The following DLGAP1 variants were observed in gnomAD, a reference collection of about 807,000 sequenced individuals.
The protein encoded by DLGAP1 is DLG associated protein 1, also known as disks large-associated protein 1.
Under a neutral mutation model 90.8 loss-of-function variants are expected in DLGAP1, and 11 were observed. The ratio of observed to expected loss-of-function variants is 0.12; its 90% CI spans 0.08 to 0.20. DLGAP1 has a LOEUF of 0.20. Ranked by LOEUF, DLGAP1 falls within the 10% of genes least tolerant of loss-of-function variation. DLGAP1 has a pLI of 1.00. For missense variants in DLGAP1, 1,050 were observed against 1,333.8 expected, an observed-to-expected ratio of 0.79 and a Z score of 3.31; for synonymous variants, 558 against 540.7, an observed-to-expected ratio of 1.03 and a Z score of -0.44.
At chr18:4,270,097 T>C (rs888691431) in intron 1 of DLGAP1, among the ~76,000 whole-genome samples, 1 of 152,198 alleles carries the variant, frequency 6.6e-6, no homozygotes. Context: ...TGGCTCAAGT[T>C]CCTCTTATTA....
In DLGAP1 at chr18:3,681,723, T is replaced by C. The variant is rs527577794; in HGVS notation, c.1591+47412A>G. Among the ~76,000 whole-genome samples, 35 of 152,256 alleles carry C rather than the reference T, an allele frequency of 2.3e-4. No homozygotes were observed. In the East Asian group the frequency reaches 6.0e-3, roughly 26 times the overall value. On this transcript the variant is annotated intron_variant, in intron 7 of 12. Transcript: ENST00000315677. Reference sequence around the variant, plus strand: ...AATCCCCAATGTTGAAGGTGGGGCCTTGTGGGGAGTGATTTGGTCATGGGG... The same window carrying C: ...AATCCCCAATGTTGAAGGTGGGGCCCTGTGGGGAGTGATTTGGTCATGGGG...
chr18:3,508,644 T>C lies in DLGAP1; in HGVS notation c.2497A>G (p.Thr833Ala), dbSNP rs756172283. ...AGAAGTTGGGCACTGCCCACTGCGG[T>C]TCGGATTTTTCCTAGAACTGGAAAG... ...LPEDILGKIR[T>A]AVGSAQLLMA... Residue 833 changes from threonine to alanine, a missense_variant, in exon 11 of 13, where the codon ACC becomes GCC. Physicochemically the swap from Thr to Ala is moderately conservative, Grantham distance 58. Around this residue, in one of 2 missense-constraint regions of DLGAP1, gnomAD observed 565 missense variants for 879.7 expected, o/e 0.64. Coordinates refer to ENST00000315677, the MANE Select transcript of DLGAP1 (RefSeq NM_004746.4). 1.2e-6 allele frequency: 2 copies of C among 1,613,766 alleles called. No individual in the cohort carries two copies. Among genetic ancestry groups the C allele is most frequent in the Non-Finnish European group, 1.7e-6 (2 of 1,179,888 alleles).
chr18:3,852,431 G>A (rs898573765), intron 4 of DLGAP1, among the ~76,000 whole-genome samples: 7 of 152,058 alleles, frequency 4.6e-5, no homozygotes, highest in African/African-American at 1.4e-4. Flanking sequence ...CTCTAATAAC[G>A]CTCCCCTTCA....
At chr18:3,975,823 A>T (rs1283339837) in intron 3 of DLGAP1, among the ~76,000 whole-genome samples, 1 of 152,226 alleles carries the variant, frequency 6.6e-6, no homozygotes, top group Non-Finnish European at 1.5e-5. Flanking sequence ...GCCAGTCACA[A>T]AAACACAAAT....
intron 1 of DLGAP1, among the ~76,000 whole-genome samples, chr18:4,199,522 A>C (rs749402116): frequency 2.6e-5 from 4 of 152,188 alleles, no homozygotes; most frequent in Non-Finnish European, 5.9e-5. Flanking sequence ...CATGCCAATG[A>C]GAGGTTGTCA....
At chr18:3,716,205 T>C (rs1049205227) in intron 7 of DLGAP1, among the ~76,000 whole-genome samples, 3 of 152,206 alleles carry the variant, frequency 2.0e-5, no homozygotes, top group Admixed American at 1.3e-4. Flanking sequence ...AGATGTACTA[T>C]TGCTTCCAGT....
rs2062903219 is a variant in DLGAP1 at position 3,741,002 on chromosome 18, C to CCACCATCACCT, written c.1350+1332_1350+1333insAGGTGATGGTG. 1.7e-5 allele frequency among the ~76,000 whole-genome samples: 2 copies of CCACCATCACCT among 118,460 alleles called. 1 individual carries two copies. Among genetic ancestry groups the CCACCATCACCT allele is most frequent in the African/African-American group, 6.7e-5 (2 of 30,040 alleles). The allele number at this position is 118,460 out of a possible 152,430, so 77.7% of individuals were successfully genotyped here. A position where few individuals can be genotyped will look rare whatever the true frequency, so the allele number is the denominator to read the frequency against. The stretch of plus-strand genomic sequence containing the variant: ...CACCACCACCACCACCATCACCTCA[C>CCACCATCACCT]CACCACCACCACCATCACCACCACC... On this transcript the variant is annotated intron_variant, in intron 6 of 12. Transcript: ENST00000315677.
Position 3,508,625 on chromosome 18 carries a change from T to A in DLGAP1, c.2516A>T (p.Gln839Leu). 6.2e-7 allele frequency: 1 copy of A among 1,613,972 alleles called. No individual in the cohort carries two copies. The highest frequency in any genetic ancestry group is 8.5e-7 in the Non-Finnish European group (1 of 1,179,948). ...GTAGAATTTCTGGGCCATGAGAAGTTGGGCACTGCCCACTGCGGTTCGGAT... is the reference window on the plus strand; with the variant it reads ...GTAGAATTTCTGGGCCATGAGAAGTAGGGCACTGCCCACTGCGGTTCGGAT... ...GKIRTAVGSAQLLMAQKFYQF... is the reference protein window; with the variant it reads ...GKIRTAVGSALLLMAQKFYQF... Residue 839 changes from glutamine to leucine, a missense_variant, in exon 11 of 13, where the codon CAA becomes CTA. Physicochemically the swap from Gln to Leu is moderately radical, Grantham distance 113 (BLOSUM62 -2). Transcript: ENST00000315677.
intron 1 of DLGAP1, among the ~76,000 whole-genome samples, chr18:4,414,396 A>T (rs1371106801): frequency 6.6e-6 from 1 of 152,186 alleles, no homozygotes. Context: ...ATAAATAAGC[A>T]ATGTCATTAT....
chr18:4,022,171 A>G (rs1178101084), intron 2 of DLGAP1, among the ~76,000 whole-genome samples: 1 of 151,978 alleles, frequency 6.6e-6, no homozygotes, highest in Non-Finnish European at 1.5e-5. Flanking sequence ...TGTTCAGAAA[A>G]CTTTTTTAAA....
intron 7 of DLGAP1, among the ~76,000 whole-genome samples, chr18:3,662,128 C>T (rs1222347445): frequency 1.3e-5 from 2 of 151,768 alleles, no homozygotes; most frequent in Non-Finnish European, 2.9e-5. Context: ...AAGCTACACA[C>T]AGTAAAAGGT....
At chr18:4,317,837 A>G (rs1171362531) in intron 1 of DLGAP1, among the ~76,000 whole-genome samples, 1 of 152,180 alleles carries the variant, frequency 6.6e-6, no homozygotes, top group Non-Finnish European at 1.5e-5. Context: ...AAGAGCTAAA[A>G]GCTTTCCTTT....
At chr18:3,647,232 C>T (rs907480052) in intron 7 of DLGAP1, among the ~76,000 whole-genome samples, 32 of 150,668 alleles carry the variant, frequency 2.1e-4, no homozygotes, top group Admixed American at 1.7e-3. Context: ...CCAGCCTGGG[C>T]AACAAGAGTG....
At chr18:4,144,806 T>C (rs1202135553) in intron 2 of DLGAP1, among the ~76,000 whole-genome samples, 1 of 152,160 alleles carries the variant, frequency 6.6e-6, no homozygotes, top group Non-Finnish European at 1.5e-5. Context: ...ATGTCTAGCA[T>C]ATGATAAGAA....
intron 7 of DLGAP1, among the ~76,000 whole-genome samples, chr18:3,592,968 G>A (rs1424748717): frequency 1.3e-5 from 2 of 150,300 alleles, no homozygotes; most frequent in Non-Finnish European, 3.0e-5. Context: ...ATATGTGAAA[G>A]ATCCCACTAT....
intron 2 of DLGAP1, among the ~76,000 whole-genome samples, chr18:4,092,302 C>A (rs931679895): frequency 1.2e-4 from 19 of 152,236 alleles, no homozygotes; most frequent in African/African-American, 4.6e-4. Flanking sequence ...ATAAGGCCGA[C>A]GGGAGTGGAG....
chr18:3,607,531 T>C (rs1343195851), intron 7 of DLGAP1: 2 of 152,210 alleles, frequency 1.3e-5, no homozygotes, highest in African/African-American at 4.8e-5. Context: ...TCTAACATTA[T>C]TTGATATCTC....
intron 3 of DLGAP1, among the ~76,000 whole-genome samples, chr18:3,911,307 T>A (rs1386654857): frequency 1.3e-5 from 2 of 152,228 alleles, no homozygotes; most frequent in Non-Finnish European, 2.9e-5. Flanking sequence ...TGATTTTGCA[T>A]AAATTATCTC....
chr18:4,035,127 G>A (rs554559738), intron 2 of DLGAP1, among the ~76,000 whole-genome samples: 14 of 152,256 alleles, frequency 9.2e-5, no homozygotes, highest in South Asian at 2.1e-4. Context: ...GAATAGTGCC[G>A]CAATAAACAT....
Sources: gnomAD v4.1 joint callset for allele counts (sites outside exome capture counted in the v4.1 genomes callset) on GRCh38, gnomAD v4.1.1 for gene constraint, gnomAD v4.1.1 regional missense constraint, MANE v1.5 for transcripts, NCBI Gene and HGNC (gene_info 2026-07-23, HGNC 2026-07-21) for gene names.